The following FOLR3 variants were observed in gnomAD, a reference collection of about 807,000 sequenced individuals.
FOLR3 encodes folate receptor 3 (gamma).
FOLR3 carries 9 observed loss-of-function variants against 20.0 expected under a neutral mutation model. That is an observed-to-expected ratio of 0.45 (90% CI 0.27 to 0.79). FOLR3 has a LOEUF of 0.79. FOLR3 is among the 30% of genes least tolerant of loss of function. The pLI, the probability that FOLR3 is intolerant of heterozygous loss-of-function variation, is 0.15. For missense variants in FOLR3, 309 were observed against 323.5 expected, an observed-to-expected ratio of 0.96 and a Z score of 0.34; for synonymous variants, 124 against 115.5, an observed-to-expected ratio of 1.07 and a Z score of -0.47.
intron 2 of FOLR3, among the ~76,000 whole-genome samples, chr11:72,138,366 CA>C (rs1187470436): frequency 2.0e-5 from 3 of 151,674 alleles, no homozygotes; most frequent in East Asian, 1.9e-4. Flanking sequence ...AACTCTGTCT[CA>C]AAAAAAAGTT....
In FOLR3 at chr11:72,139,712, G is replaced by A. The variant is rs761906150; in HGVS notation, c.619G>A (p.Gly207Ser). The A allele has an allele frequency of 2.5e-5, 41 of 1,613,778 alleles. No individual in the cohort carries two copies. Among genetic ancestry groups the A allele is most frequent in the Non-Finnish European group, 3.2e-5 (38 of 1,179,998 alleles). The change falls in exon 5 of 5, where the codon GGC (glycine) becomes AGC (serine). Residue 207 changes from glycine to serine, a missense_variant. Gly to Ser is a moderately conservative substitution (Grantham distance 56, BLOSUM62 0). Transcript: ENST00000611028. ...GGTCAGCAACTATAGTCGAGGGAGC[G>A]GCCGCTGCATCCAGATGTGGTTTGA... is the stretch of plus-strand genomic sequence containing the variant. ...FKVSNYSRGS[G>S]RCIQMWFDSA...
chr11:72,136,648 C>A (rs1947746000), intron 2 of FOLR3, among the ~76,000 whole-genome samples: 1 of 152,192 alleles, frequency 6.6e-6, no homozygotes. Context: ...TGACCTCTTT[C>A]ATTCTCCAAA....
chr11:72,136,051 G>A lies in FOLR3; in HGVS notation c.99G>A (p.Leu33=). The change falls in exon 2 of 5, where the codon CTG becomes CTA. Residue 33 remains leucine (L), a synonymous_variant. Transcript: ENST00000611028. ...QPRSARARTD[L]LNVCMNAKHH... Reference sequence around the variant, plus strand: ...GGAGTGCGCGGGCCAGGACGGACCTGCTCAATGTCTGCATGAACGCCAAGC... The same window carrying A: ...GGAGTGCGCGGGCCAGGACGGACCTACTCAATGTCTGCATGAACGCCAAGC... The A allele has an allele frequency of 6.2e-7, 1 of 1,614,052 alleles. No homozygotes were observed. The highest frequency in any genetic ancestry group is 8.5e-7 in the Non-Finnish European group (1 of 1,179,924).
chr11:72,136,652 C>T (rs982207259), intron 2 of FOLR3, among the ~76,000 whole-genome samples: 4 of 152,186 alleles, frequency 2.6e-5, no homozygotes, highest in Non-Finnish European at 5.9e-5. Context: ...CTCTTTCATT[C>T]TCCAAAACTG....
intron 2 of FOLR3, among the ~76,000 whole-genome samples, 159 bp downstream of exon 2, chr11:72,136,279 G>A (rs1364497687): frequency 6.6e-6 from 1 of 152,212 alleles, no homozygotes; most frequent in East Asian, 1.9e-4. Flanking sequence ...CACTGAGGCA[G>A]CTTGGGGAAT....
At position 72,139,491 on chromosome 11, in the gene FOLR3, C is replaced by T. The variant is rs371969095; in HGVS notation, c.493+9C>T. Reference sequence around the variant, plus strand: ...CTGGAATTGGACCTCAGGTGAGGACCTGAGGAGATAAGATGAGGAGTGGGA... The same window carrying T: ...CTGGAATTGGACCTCAGGTGAGGACTTGAGGAGATAAGATGAGGAGTGGGA... On this transcript the variant is annotated intron_variant, in intron 4 of 4. Coordinates refer to ENST00000611028, the MANE Select transcript of FOLR3 (RefSeq NM_000804.4). 1.9e-6 allele frequency: 3 copies of T among 1,613,706 alleles called. No homozygotes were observed. Among genetic ancestry groups the T allele is most frequent in the South Asian group, 2.2e-5 (2 of 91,070 alleles).
rs532345331 is a variant in FOLR3 at position 72,136,464 on chromosome 11, C to T, written c.168+344C>T. On this transcript the variant is annotated intron_variant, in intron 2 of 4. Coordinates refer to ENST00000611028, the MANE Select transcript of FOLR3 (RefSeq NM_000804.4). ...AAGCGAAGACAGGACAGCCTGGAAG[C>T]CCCATGACATCTGAGTCACTCCCAA... Among the ~76,000 whole-genome samples, 3 of 152,134 alleles carry T rather than the reference C, an allele frequency of 2.0e-5. No individual in the cohort carries two copies. The East Asian group carries it at 5.8e-4, about 29-fold the overall frequency.
chr11:72,136,175 G>A (rs760083021), intron 2 of FOLR3, 55 bp downstream of exon 2: 53 of 1,593,820 alleles, frequency 3.3e-5, no homozygotes, highest in East Asian at 1.1e-4. Context: ...GTGATGGCAC[G>A]AGCAATGGCA....
chr11:72,136,792 G>A (rs1372488579), intron 2 of FOLR3, among the ~76,000 whole-genome samples: 1 of 152,214 alleles, frequency 6.6e-6, no homozygotes, highest in Non-Finnish European at 1.5e-5. Flanking sequence ...AGGGCCATGA[G>A]CTATATGAGA....
rs368585597 is a variant in FOLR3, at chr11:72,139,431, A to G, written c.442A>G (p.Thr148Ala). Residue 148 changes from threonine to alanine, a missense_variant, in exon 4 of 5, where the codon ACC (threonine) becomes GCC (alanine). Thr to Ala is a moderately conservative substitution (Grantham distance 58, BLOSUM62 0). Coordinates refer to ENST00000611028, the MANE Select transcript of FOLR3 (RefSeq NM_000804.4). ...DCERWWEDCR[T>A]SYTCKSNWHK... ...TGAGCGCTGGTGGGAGGACTGTCGC[A>G]CCTCCTACACCTGCAAAAGCAACTG... 1.4e-5 allele frequency: 22 copies of G among 1,612,594 alleles called. No individual in the cohort carries two copies. In the African/African-American group the frequency reaches 2.7e-4, roughly 20 times the overall value.
Position 72,138,982 on chromosome 11 carries a change from G to A in FOLR3, c.190G>A (p.Ala64Thr), listed in dbSNP as rs772891912. The change falls in exon 3 of 5, where the codon GCC becomes ACC. Residue 64 changes from alanine to threonine, a missense_variant. By Grantham distance (58) the Ala-to-Thr change is moderately conservative (BLOSUM62 0). Transcript: ENST00000611028. Reference protein sequence around the residue: ...YGQCSPWKKNACCTASTSQEL... With the variant: ...YGQCSPWKKNTCCTASTSQEL... ...CCAGTGCAGTCCCTGGAAGAAGAAT[G>A]CCTGCTGCACGGCCAGCACCAGCCA... 1.2e-6 allele frequency: 2 copies of A among 1,613,862 alleles called. No individual in the cohort carries two copies. Among genetic ancestry groups the A allele is most frequent in the African/African-American group, 2.7e-5 (2 of 74,912 alleles).
chr11:72,138,126 G>T (rs887939896), intron 2 of FOLR3, among the ~76,000 whole-genome samples: 1 of 152,132 alleles, frequency 6.6e-6, no homozygotes, highest in African/African-American at 2.4e-5. Context: ...CAACACTTTG[G>T]GAGGCCAAGG....
At chr11:72,139,220 C>T (rs1947784198) in intron 3 of FOLR3, 71 bp downstream of exon 3, 1 of 1,565,226 alleles carries the variant, frequency 6.4e-7, no homozygotes, top group Admixed American at 1.8e-5. Context: ...GCAGGGAGGG[C>T]TTGGTCCAGG....
chr11:72,138,881 C>G, intron 2 of FOLR3, 80 bp from the exon 3 acceptor site: 1 of 1,552,546 alleles, frequency 6.4e-7, no homozygotes, highest in Non-Finnish European at 8.8e-7. Context: ...TCTGGATGAC[C>G]TACCTGGGGC....
chr11:72,139,085 G>T lies in FOLR3; in HGVS notation c.293G>T (p.Arg98Leu), dbSNP rs373128648. 1 of 1,591,112 alleles carries T rather than the reference G, an allele frequency of 6.3e-7. No homozygotes were observed. The highest frequency in any genetic ancestry group is 2.3e-5 in the East Asian group (1 of 43,892). ...HCGKMEPTCKRHFIQDSCLYE... is the reference protein window; with the variant it reads ...HCGKMEPTCKLHFIQDSCLYE... Reference sequence around the variant, plus strand: ...GGTAAGATGGAACCCACCTGCAAGCGCCACTTTATCCAGGACAGCTGTCTC... The same window carrying T: ...GGTAAGATGGAACCCACCTGCAAGCTCCACTTTATCCAGGACAGCTGTCTC... Residue 98 changes from arginine (R) to leucine (L), a missense_variant, in exon 3 of 5, where the codon CGC becomes CTC. Physicochemically the swap from Arg to Leu is moderately radical, Grantham distance 102. Coordinates refer to ENST00000611028, the MANE Select transcript of FOLR3 (RefSeq NM_000804.4).
rs1947780884 is a variant in FOLR3, at chr11:72,139,074, C to T, written c.282C>T (p.Pro94=). 4 of 1,610,154 alleles carry T rather than the reference C, an allele frequency of 2.5e-6. No individual in the cohort carries two copies. The highest frequency in any genetic ancestry group is 1.4e-5 in the African/African-American group (1 of 73,696). ...GGGATCACTGTGGTAAGATGGAACCCACCTGCAAGCGCCACTTTATCCAGG... is the reference window on the plus strand; with the variant it reads ...GGGATCACTGTGGTAAGATGGAACCTACCTGCAAGCGCCACTTTATCCAGG... ...FNWDHCGKME[P]TCKRHFIQDS... is the part of the protein sequence containing the mutation. The change falls in exon 3 of 5, where the codon CCC becomes CCT. Residue 94 remains proline, a synonymous_variant. Coordinates refer to ENST00000611028, the MANE Select transcript of FOLR3 (RefSeq NM_000804.4).
chr11:72,139,804 C>G lies in FOLR3; in HGVS notation c.711C>G (p.Ala237=). 1.2e-6 allele frequency: 2 copies of G among 1,613,962 alleles called. No homozygotes were observed. Among genetic ancestry groups the G allele is most frequent in the Non-Finnish European group, 1.7e-6 (2 of 1,179,894 alleles). Residue 237 remains alanine (A), a synonymous_variant, in exon 5 of 5, where the codon GCC becomes GCG. Transcript: ENST00000611028. The part of the protein sequence containing the change: ...KFYAAAMNAG[A]PSRGIIDS ...ATGCTGCGGCCATGAATGCTGGGGCCCCGTCTCGTGGGATTATTGATTCCT... is the reference window on the plus strand; with the variant it reads ...ATGCTGCGGCCATGAATGCTGGGGCGCCGTCTCGTGGGATTATTGATTCCT...
chr11:72,136,099 C>T lies in FOLR3; in HGVS notation c.147C>T (p.Pro49=), dbSNP rs750393404. 9 of 1,613,978 alleles carry T rather than the reference C, an allele frequency of 5.6e-6. No homozygotes were observed. Among genetic ancestry groups the T allele is most frequent in the South Asian group, 4.4e-5 (4 of 91,088 alleles). The part of the protein sequence containing the change: ...NAKHHKTQPS[P]EDELYGQCSP... ...AGCACCACAAGACACAGCCCAGCCC[C>T]GAGGACGAGCTGTATGGCCAGGTGA... Residue 49 remains proline, a synonymous_variant, in exon 2 of 5, where the codon CCC becomes CCT. Transcript: ENST00000611028.
intron 2 of FOLR3, among the ~76,000 whole-genome samples, chr11:72,136,388 C>T (rs1947742907): frequency 6.6e-6 from 1 of 152,088 alleles, no homozygotes; most frequent in African/African-American, 2.4e-5. Flanking sequence ...TCCCAGAGGG[C>T]TGGGGATGTG....
Sources: allele counts gnomAD v4.1 joint callset (sites outside exome capture counted in the v4.1 genomes callset), GRCh38; gene constraint gnomAD v4.1.1; transcripts MANE v1.5; gene names NCBI Gene and HGNC (gene_info 2026-07-23, HGNC 2026-07-21).